The following GRM3 variants were observed in gnomAD, a reference collection of about 807,000 sequenced individuals.
GRM3 encodes the protein glutamate metabotropic receptor 3.
A neutral mutation model predicts 70.5 loss-of-function variants in GRM3; 26 were observed. The observed-to-expected ratio is 0.37, with a 90% CI of 0.27 to 0.51. The LOEUF is 0.51. Ranked by LOEUF, GRM3 falls within the 20% of genes least tolerant of loss-of-function variation. The pLI, the probability that GRM3 is intolerant of heterozygous loss-of-function variation, is 0.93. For synonymous variants in GRM3, 443 were observed against 434.9 expected (o/e 1.02, Z -0.23); for missense variants, 859 against 1,123.8 (o/e 0.76, Z 3.37).
Position 86,787,051 on chromosome 7 carries a change from A to T in GRM3, c.1259A>T (p.Asp420Val). The T allele has an allele frequency of 2.5e-6, 4 of 1,613,260 alleles. No homozygotes were observed. The highest frequency in any genetic ancestry group is 3.4e-6 in the Non-Finnish European group (4 of 1,179,566). ...TGTCCCAACACTACCAAGCTTTGTGATGCTATGAAGATCCTGGATGGGAAG... is the reference window on the plus strand; with the variant it reads ...TGTCCCAACACTACCAAGCTTTGTGTTGCTATGAAGATCCTGGATGGGAAG... ...TLCPNTTKLC[D>V]AMKILDGKKL... Residue 420 changes from aspartate (D) to valine (V), a missense_variant, in exon 3 of 6, where the codon GAT becomes GTT. By Grantham distance (152) the Asp-to-Val change is radical (BLOSUM62 -3). Transcript: ENST00000361669.
intron 3 of GRM3, among the ~76,000 whole-genome samples, chr7:86,827,253 C>A (rs73382321): frequency 0.022 from 3,297 of 152,194 alleles, 129 homozygotes; most frequent in African/African-American, 0.074. Flanking sequence ...TATTTGTAAT[C>A]TTGAAATAGG....
chr7:86,808,108 G>A (rs1797833793), intron 3 of GRM3, among the ~76,000 whole-genome samples: 1 of 152,120 alleles, frequency 6.6e-6, no homozygotes, highest in Non-Finnish European at 1.5e-5. Context: ...CCTTATCCTG[G>A]TGGATAAGCT....
intron 1 of GRM3, among the ~76,000 whole-genome samples, chr7:86,661,080 A>G (rs979000994): frequency 6.6e-6 from 1 of 152,018 alleles, no homozygotes; most frequent in Non-Finnish European, 1.5e-5. Flanking sequence ...ATGGTCTCTT[A>G]TCTAATGTTT....
At chr7:86,693,095 A>C (rs2116040534) in intron 1 of GRM3, among the ~76,000 whole-genome samples, 1 of 152,326 alleles carries the variant, frequency 6.6e-6, no homozygotes, top group Non-Finnish European at 1.5e-5. Flanking sequence ...GATATTATAG[A>C]GGGTGAACAC....
intron 1 of GRM3, among the ~76,000 whole-genome samples, chr7:86,648,501 T>C (rs542720226): frequency 6.6e-6 from 1 of 152,322 alleles, no homozygotes; most frequent in South Asian, 2.1e-4. Flanking sequence ...TGTAATAGTG[T>C]ATATAGTTTA....
At chr7:86,675,519 C>A (rs567459304) in intron 1 of GRM3, among the ~76,000 whole-genome samples, 10 of 152,092 alleles carry the variant, frequency 6.6e-5, no homozygotes, top group African/African-American at 2.2e-4. Flanking sequence ...GTAACACTAA[C>A]ACAGAGAATA....
intron 1 of GRM3, among the ~76,000 whole-genome samples, chr7:86,731,713 G>A (rs927766851): frequency 4.5e-4 from 68 of 152,168 alleles, no homozygotes; most frequent in African/African-American, 1.6e-3. Context: ...ATGCTAGAAT[G>A]TGAACATCTT....
chr7:86,745,854 A>G (rs1796089424), intron 1 of GRM3, among the ~76,000 whole-genome samples: 1 of 152,100 alleles, frequency 6.6e-6, no homozygotes. Flanking sequence ...TGATTAAACG[A>G]GCTCACTGAG....
At chr7:86,687,852 ATGTAT>A (rs1361805981) in intron 1 of GRM3, among the ~76,000 whole-genome samples, 2 of 151,912 alleles carry the variant, frequency 1.3e-5, no homozygotes, top group African/African-American at 2.4e-5. Flanking sequence ...AATAATAAAA[ATGTAT>A]TGTAATTAAT....
At chr7:86,684,520 AC>A (rs1326765802) in intron 1 of GRM3, among the ~76,000 whole-genome samples, 2 of 152,176 alleles carry the variant, frequency 1.3e-5, no homozygotes, top group African/African-American at 4.8e-5. Flanking sequence ...GATTCTCGAA[AC>A]TTTCACAACC....
At chr7:86,717,732 G>A (rs1380962183) in intron 1 of GRM3, among the ~76,000 whole-genome samples, 1 of 151,952 alleles carries the variant, frequency 6.6e-6, no homozygotes, top group African/African-American at 2.4e-5. Flanking sequence ...ATAAGGGTTT[G>A]TCAAGGTTTA....
intron 3 of GRM3, among the ~76,000 whole-genome samples, chr7:86,834,785 G>T (rs951945670): frequency 9.9e-5 from 15 of 151,334 alleles, no homozygotes; most frequent in Non-Finnish European, 2.1e-4. Context: ...GTAGAGGTTG[G>T]GTGCATACTT....
intron 3 of GRM3, among the ~76,000 whole-genome samples, chr7:86,799,628 G>A (rs893679319): frequency 2.6e-5 from 4 of 152,066 alleles, no homozygotes; most frequent in African/African-American, 7.2e-5. Flanking sequence ...CTGGGTTCAC[G>A]CCATTCTCCT....
intron 3 of GRM3, among the ~76,000 whole-genome samples, chr7:86,825,490 A>C (rs1383886538): frequency 6.6e-6 from 1 of 152,232 alleles, no homozygotes; most frequent in East Asian, 1.9e-4. Context: ...GACACATGAC[A>C]ACTTAACAAT....
chr7:86,734,102 G>A (rs1368689102), intron 1 of GRM3, among the ~76,000 whole-genome samples: 1 of 152,144 alleles, frequency 6.6e-6, no homozygotes, highest in African/African-American at 2.4e-5. Flanking sequence ...GTAGGGGGGA[G>A]AAAAGACATC....
At chr7:86,787,226 G>A (rs1217960757) in intron 3 of GRM3, 110 bp downstream of exon 3, 1 of 918,696 alleles carries the variant, frequency 1.1e-6, no homozygotes, top group Non-Finnish European at 1.7e-6. Flanking sequence ...GCCATAAAAA[G>A]GGTTCAAACT....
intron 5 of GRM3, among the ~76,000 whole-genome samples, chr7:86,857,722 G>A (rs1798876465): frequency 6.6e-6 from 1 of 152,124 alleles, no homozygotes. Context: ...CTGAGCCTCA[G>A]GGTGAAAAAG....
At chr7:86,767,960 T>C (rs1796648032) in intron 2 of GRM3, among the ~76,000 whole-genome samples, 1 of 152,118 alleles carries the variant, frequency 6.6e-6, no homozygotes, top group East Asian at 1.9e-4. Flanking sequence ...CCTATCTCAT[T>C]AGGTTTTTTT....
intron 1 of GRM3, among the ~76,000 whole-genome samples, chr7:86,683,988 ATAT>A (rs1418513057): frequency 6.6e-6 from 1 of 152,112 alleles, no homozygotes; most frequent in East Asian, 1.9e-4. Flanking sequence ...GAAGCTCTAA[ATAT>A]TATATCTCAA....
Sources: allele counts gnomAD v4.1 joint callset (sites outside exome capture counted in the v4.1 genomes callset), GRCh38; gene constraint gnomAD v4.1.1; transcripts MANE v1.5; gene names NCBI Gene and HGNC (gene_info 2026-07-23, HGNC 2026-07-21).